The following LARGE1 variants were observed in gnomAD, a reference collection of about 807,000 sequenced individuals.
LARGE1 encodes xylosyl- and glucuronyltransferase LARGE1.
Under a neutral mutation model 87.6 loss-of-function variants are expected in LARGE1, and 43 were observed. The observed-to-expected ratio is 0.49, with a 90% CI of 0.38 to 0.63. The LOEUF (loss-of-function observed/expected upper bound fraction) is 0.63, where lower values mean the gene tolerates loss of function less well. Among genes scored for constraint, LARGE1 ranks in the 30% least tolerant of loss-of-function variants. The pLI is 0.00. For missense variants in LARGE1, 802 were observed against 1,000.2 expected (o/e 0.80, Z 2.67); for synonymous variants, 434 against 394.6 (o/e 1.10, Z -1.18).
chr22:33,205,670 C>CA (rs1048587380), intron 11 of LARGE1, among the ~76,000 whole-genome samples: 2 of 152,040 alleles, frequency 1.3e-5, no homozygotes, highest in Non-Finnish European at 2.9e-5. Flanking sequence ...AAGTTTCCAG[C>CA]AAAAAAATTG....
intron 2 of LARGE1, among the ~76,000 whole-genome samples, chr22:33,751,278 C>T (rs1276755648): frequency 2.6e-5 from 4 of 152,042 alleles, no homozygotes; most frequent in East Asian, 1.9e-4. Context: ...GTCAGGAGTT[C>T]GAGACCAGCC....
intron 1 of LARGE1, among the ~76,000 whole-genome samples, chr22:33,841,063 T>C (rs2063268007): frequency 1.3e-5 from 2 of 152,218 alleles, no homozygotes; most frequent in Admixed American, 1.3e-4. Context: ...TTTGCCCAAA[T>C]ACAGGCCAAT....
intron 6 of LARGE1, among the ~76,000 whole-genome samples, chr22:33,471,029 CTTTT>C (rs372332553): frequency 3.1e-5 from 4 of 129,742 alleles, no homozygotes; most frequent in African/African-American, 5.7e-5. Context: ...TCTTCTTCTT[CTTTT>C]TTTTTTTTTT....
intron 6 of LARGE1, among the ~76,000 whole-genome samples, chr22:33,474,594 A>G (rs2068993207): frequency 1.3e-5 from 2 of 152,196 alleles, no homozygotes; most frequent in African/African-American, 4.8e-5. Flanking sequence ...ACCTGCATAC[A>G]TGTGAGTCTG....
chr22:33,736,852 C>T (rs1402646679), intron 2 of LARGE1, among the ~76,000 whole-genome samples: 1 of 152,110 alleles, frequency 6.6e-6, no homozygotes, highest in African/African-American at 2.4e-5. Context: ...TTAACTCCCC[C>T]GATCCCAAGC....
chr22:33,222,546 G>A (rs777061842), intron 11 of LARGE1, among the ~76,000 whole-genome samples: 4 of 152,270 alleles, frequency 2.6e-5, no homozygotes, highest in South Asian at 4.1e-4. Flanking sequence ...TCGATTATCC[G>A]GGTAAGCTCT....
At chr22:33,740,268 C>A (rs995144027) in intron 2 of LARGE1, among the ~76,000 whole-genome samples, 9 of 152,154 alleles carry the variant, frequency 5.9e-5, no homozygotes, top group African/African-American at 2.2e-4. Flanking sequence ...TACTTAGGTG[C>A]CCCTTTTTCT....
chr22:33,367,586 C>T (rs1287464327), intron 9 of LARGE1, among the ~76,000 whole-genome samples: 2 of 151,942 alleles, frequency 1.3e-5, no homozygotes, highest in African/African-American at 4.8e-5. Context: ...CACTCCCATC[C>T]CCCCATTTAT....
At chr22:33,394,876 A>G (rs960551824) in intron 7 of LARGE1, among the ~76,000 whole-genome samples, 3 of 152,122 alleles carry the variant, frequency 2.0e-5, no homozygotes, top group Admixed American at 2.0e-4. Flanking sequence ...TGAGAAGACC[A>G]CAGGCCATAA....
chr22:33,603,586 TGTGGCAAGATAG>T (rs1318321651), intron 5 of LARGE1, among the ~76,000 whole-genome samples: 1 of 152,102 alleles, frequency 6.6e-6, no homozygotes, highest in African/African-American at 2.4e-5. Flanking sequence ...GAACAGGAGT[TGTGGCAAGATAG>T]GTGGGAAGGA....
intron 11 of LARGE1, among the ~76,000 whole-genome samples, chr22:33,185,748 C>T (rs1395585613): frequency 6.6e-6 from 1 of 151,958 alleles, no homozygotes; most frequent in Non-Finnish European, 1.5e-5. Context: ...TTAATAAAAC[C>T]GAAAGTCTGT....
intron 1 of LARGE1, among the ~76,000 whole-genome samples, chr22:33,784,483 G>T (rs1251213412): frequency 6.6e-6 from 1 of 152,160 alleles, no homozygotes; most frequent in African/African-American, 2.4e-5. Context: ...GTTAACTAAA[G>T]AACTACTAAC....
intron 9 of LARGE1, among the ~76,000 whole-genome samples, chr22:33,346,277 T>TTCCTCC (rs139892437): frequency 6.7e-6 from 1 of 149,516 alleles, no homozygotes; most frequent in East Asian, 2.0e-4. Context: ...CTCTCTTTCT[T>TTCCTCC]TCCTCCTCCT....
rs965752751 is a variant in LARGE1, at chr22:33,316,259, G to C, written c.1288-11C>G. The C allele has an allele frequency of 6.2e-7, 1 of 1,612,882 alleles. No individual in the cohort carries two copies. ...CAGCTGCTTCTGGAGCTGCAGGGTA[G>C]GAGAGAGGGCTTGGGCACGTGAAGA... On this transcript the variant is annotated splice_polypyrimidine_tract_variant and intron_variant, in intron 10 of 14. Coordinates refer to ENST00000397394, the MANE Select transcript of LARGE1 (RefSeq NM_133642.5).
chr22:33,272,596 T>C lies in LARGE1; in HGVS notation c.*1831A>G, dbSNP rs1393311915. ...ATAGGCTATATACTTGTATGCTCTG[T>C]CTACATATATATTTACATACATACA... On this transcript the variant is annotated 3_prime_UTR_variant, in exon 15 of 15. Coordinates refer to ENST00000397394, the MANE Select transcript of LARGE1 (RefSeq NM_133642.5). 1.3e-5 allele frequency among the ~76,000 whole-genome samples: 2 copies of C among 152,260 alleles called. No homozygotes were observed. The highest frequency in any genetic ancestry group is 4.8e-5 in the African/African-American group (2 of 41,464).
chr22:33,158,871 G>C (rs73881974), downstream of LARGE1, among the ~76,000 whole-genome samples: 1,930 of 152,258 alleles, frequency 0.013, 31 homozygotes, highest in Admixed American at 0.053. Flanking sequence ...TAAAACCCTA[G>C]GTTGTCAATA....
At chr22:33,766,146 G>A (rs978265045) in intron 1 of LARGE1, among the ~76,000 whole-genome samples, 2 of 152,120 alleles carry the variant, frequency 1.3e-5, no homozygotes, top group South Asian at 4.2e-4. Flanking sequence ...ATTACATCAC[G>A]AACATGTGCA....
intron 11 of LARGE1, among the ~76,000 whole-genome samples, chr22:33,254,032 C>A (rs902221548): frequency 6.6e-6 from 1 of 151,752 alleles, no homozygotes; most frequent in African/African-American, 2.4e-5. Flanking sequence ...CAATAAGATG[C>A]GTGGGAATAA....
downstream of LARGE1, among the ~76,000 whole-genome samples, chr22:33,158,935 A>G (rs1243604454): frequency 1.3e-5 from 2 of 152,238 alleles, no homozygotes; most frequent in Non-Finnish European, 2.9e-5. Context: ...ACATTCAAAA[A>G]GCAGAAGGTT....
Sources: allele counts gnomAD v4.1 joint callset (sites outside exome capture counted in the v4.1 genomes callset), GRCh38; gene constraint gnomAD v4.1.1; transcripts MANE v1.5; gene names NCBI Gene and HGNC (gene_info 2026-07-23, HGNC 2026-07-21).